DACH2: variants seen among roughly 807,000 people sequenced by gnomAD.
DACH2 encodes dachshund family transcription factor 2.
DACH2 carries 17 observed loss-of-function variants against 35.8 expected under a neutral mutation model. The ratio of observed to expected loss-of-function variants is 0.48; its 90% confidence interval spans 0.33 to 0.71. The LOEUF (loss-of-function observed/expected upper bound fraction) is 0.71. Ranked by LOEUF, DACH2 falls within the 30% of genes least tolerant of loss-of-function variation. The pLI, the probability that DACH2 is intolerant of heterozygous loss-of-function variation, is 0.02. For synonymous variants in DACH2, 195 were observed against 177.3 expected (o/e 1.10, Z -0.79); for missense variants, 469 against 472.7 (o/e 0.99, Z 0.07).
chrX:86,415,880 T>A (rs751597950), intron 2 of DACH2, among the ~76,000 whole-genome samples: 1 of 111,676 alleles, frequency 9.0e-6, no homozygotes, highest in Non-Finnish European at 1.9e-5. Flanking sequence ...GTTGTGTATA[T>A]ATAAGAAAAT....
intron 7 of DACH2, among the ~76,000 whole-genome samples, chrX:86,773,013 A>G (rs929223073): frequency 7.1e-5 from 8 of 111,928 alleles, no homozygotes; most frequent in African/African-American, 2.6e-4. Flanking sequence ...CTGCTTGCCA[A>G]GGGCTTAAAA....
At chrX:86,172,478 T>A (rs2031156534) in intron 1 of DACH2, among the ~76,000 whole-genome samples, 1 of 111,731 alleles carries the variant, frequency 9.0e-6, no homozygotes, top group Non-Finnish European at 1.9e-5. Flanking sequence ...CTCACAACAA[T>A]CCTATGAGGC....
intron 1 of DACH2, among the ~76,000 whole-genome samples, chrX:86,259,585 G>T (rs2147960837): frequency 9.0e-6 from 1 of 111,625 alleles, no homozygotes; most frequent in Non-Finnish European, 1.9e-5. Context: ...AGTGGCAAGT[G>T]AAAAGTAATA....
intron 1 of DACH2, among the ~76,000 whole-genome samples, chrX:86,318,592 A>G (rs1230333648): frequency 4.5e-5 from 5 of 111,358 alleles, no homozygotes; most frequent in Non-Finnish European, 9.4e-5. Flanking sequence ...AGAACCTTAG[A>G]CATCCCATAC....
chrX:86,159,264 G>A (rs1279139115), intron 1 of DACH2, among the ~76,000 whole-genome samples: 1 of 110,630 alleles, frequency 9.0e-6, no homozygotes, highest in Non-Finnish European at 1.9e-5. Context: ...AGAGATGAGA[G>A]TTGTTTATTT....
At chrX:86,563,901 A>C (rs1749051219) in intron 3 of DACH2, among the ~76,000 whole-genome samples, 1 of 111,379 alleles carries the variant, frequency 9.0e-6, no homozygotes. Context: ...ACAATATTTT[A>C]TTGATTATAC....
At chrX:86,502,836 T>C (rs180819786) in intron 2 of DACH2, among the ~76,000 whole-genome samples, 7 of 111,940 alleles carry the variant, frequency 6.3e-5, no homozygotes, top group Non-Finnish European at 1.3e-4. Flanking sequence ...CAACACAAAT[T>C]TGTACACTTT....
At chrX:86,675,116 T>C (rs950155512) in intron 4 of DACH2, among the ~76,000 whole-genome samples, 12 of 111,543 alleles carry the variant, frequency 1.1e-4, no homozygotes, top group African/African-American at 3.9e-4. Flanking sequence ...TCCAGAATTT[T>C]GTGTTTAGAA....
rs190995290 is a variant in DACH2, at chrX:86,425,415, A to T, written c.527+48553A>T. Among the ~76,000 whole-genome samples, 152 of 110,252 alleles carry T rather than the reference A, an allele frequency of 1.4e-3. 1 individual carries two copies. Among genetic ancestry groups the T allele is most frequent in the East Asian group, 8.6e-4 (3 of 3,484 alleles). On this transcript the variant is annotated intron_variant, in intron 2 of 11. Transcript: ENST00000373125. Reference sequence around the variant, plus strand: ...TCCTGGCTCGATCTTGGTAGGTTGCATGTGTCTAGGGAATTTGTCTATTTC... The same window carrying T: ...TCCTGGCTCGATCTTGGTAGGTTGCTTGTGTCTAGGGAATTTGTCTATTTC...
intron 1 of DACH2, among the ~76,000 whole-genome samples, chrX:86,295,881 AT>A (rs1042983908): frequency 9.1e-6 from 1 of 109,625 alleles, no homozygotes; most frequent in African/African-American, 3.3e-5. Flanking sequence ...TGAAGTTATA[AT>A]CAGGTACTAT....
intron 1 of DACH2, among the ~76,000 whole-genome samples, chrX:86,269,743 A>G (rs1842751604): frequency 9.0e-6 from 1 of 110,804 alleles, no homozygotes; most frequent in Admixed American, 9.7e-5. Context: ...AACAAATATT[A>G]CATAGAAATG....
chrX:86,297,923 T>C (rs184860344), intron 1 of DACH2, among the ~76,000 whole-genome samples: 1 of 111,411 alleles, frequency 9.0e-6, no homozygotes, highest in African/African-American at 3.3e-5. Context: ...TTCAGGGAAA[T>C]TGGGATGTAT....
chrX:86,252,007 A>T (rs1471499374), intron 1 of DACH2, among the ~76,000 whole-genome samples: 1 of 110,790 alleles, frequency 9.0e-6, no homozygotes, highest in Non-Finnish European at 1.9e-5. Context: ...ATATCTATTT[A>T]TTATTTATTT....
intron 11 of DACH2, among the ~76,000 whole-genome samples, chrX:86,827,220 T>TGTCA (rs1208403641): frequency 8.9e-6 from 1 of 112,175 alleles, no homozygotes; most frequent in African/African-American, 3.2e-5. Context: ...ATAACCATCC[T>TGTCA]GTCAGGGAAG....
intron 2 of DACH2, among the ~76,000 whole-genome samples, chrX:86,465,035 G>A (rs1168172687): frequency 8.9e-6 from 1 of 111,936 alleles, no homozygotes; most frequent in African/African-American, 3.2e-5. Flanking sequence ...TTTTTTAACA[G>A]TAGTTAAAAT....
intron 3 of DACH2, among the ~76,000 whole-genome samples, chrX:86,638,032 G>A: frequency 9.9e-6 from 1 of 100,524 alleles, no homozygotes; most frequent in Non-Finnish European, 2.1e-5. Flanking sequence ...GTACACTAAC[G>A]AAAACAATAA....
chrX:86,240,317 C>T (rs2033137292), intron 1 of DACH2, among the ~76,000 whole-genome samples: 2 of 110,494 alleles, frequency 1.8e-5, no homozygotes, highest in Admixed American at 1.9e-4. Context: ...ATTTTGAAAG[C>T]CTAAGAAACG....
intron 2 of DACH2, among the ~76,000 whole-genome samples, chrX:86,462,660 T>C (rs148001560): frequency 0.037 from 4,092 of 111,463 alleles, 88 homozygotes; most frequent in Middle Eastern, 0.06. Flanking sequence ...GGTGTTTGGA[T>C]GCCCTGCTCA....
At chrX:86,280,654 G>A (rs1324135868) in intron 1 of DACH2, among the ~76,000 whole-genome samples, 12 of 112,056 alleles carry the variant, frequency 1.1e-4, no homozygotes, top group Non-Finnish European at 2.1e-4. Flanking sequence ...GACACAGACT[G>A]GCAAATTGGA....
Sources: allele counts gnomAD v4.1 joint callset (sites outside exome capture counted in the v4.1 genomes callset), GRCh38; gene constraint gnomAD v4.1.1; transcripts MANE v1.5; gene names NCBI Gene and HGNC (gene_info 2026-07-23, HGNC 2026-07-21).